Variants in TAFA4 observed in about 807,000 individuals in gnomAD.
TAFA4 encodes the protein chemokine-like protein TAFA-4.
Under a neutral mutation model 21.1 loss-of-function variants are expected in TAFA4, and 20 were observed. The ratio of observed to expected loss-of-function variants is 0.95; its 90% CI spans 0.67 to 1.38. The LOEUF (loss-of-function observed/expected upper bound fraction) is 1.38. TAFA4 is among the 40% of genes most tolerant of loss of function. The pLI is 0.00. For synonymous variants in TAFA4, 71 were observed against 67.4 expected, an observed-to-expected ratio of 1.05 and a Z score of -0.26; for missense variants, 211 against 180.9, an observed-to-expected ratio of 1.17 and a Z score of -0.95.
At chr3:68,765,293 T>C (rs1702830012) in intron 3 of TAFA4, among the ~76,000 whole-genome samples, 1 of 152,190 alleles carries the variant, frequency 6.6e-6, no homozygotes, top group African/African-American at 2.4e-5. Context: ...AATGTAGAAA[T>C]TGGTGATAAG....
chr3:68,909,657 C>G (rs2089938504), intron 1 of TAFA4, among the ~76,000 whole-genome samples: 1 of 152,214 alleles, frequency 6.6e-6, no homozygotes, highest in Non-Finnish European at 1.5e-5. Flanking sequence ...TAAGTGCTTT[C>G]CAGATCTGCT....
At chr3:68,837,489 T>C (rs966343425) in intron 3 of TAFA4, among the ~76,000 whole-genome samples, 4 of 152,198 alleles carry the variant, frequency 2.6e-5, no homozygotes, top group African/African-American at 4.8e-5. Context: ...AGAATAATGA[T>C]TGTTTTCCAA....
At chr3:68,737,637 A>T (rs1416446310) in intron 5 of TAFA4, among the ~76,000 whole-genome samples, 1 of 152,182 alleles carries the variant, frequency 6.6e-6, no homozygotes, top group Admixed American at 6.5e-5. Flanking sequence ...ATTTTGTTTT[A>T]GACTTAATAT....
At chr3:68,803,201 T>G (rs1481420275) in intron 3 of TAFA4, among the ~76,000 whole-genome samples, 1 of 152,206 alleles carries the variant, frequency 6.6e-6, no homozygotes, top group Non-Finnish European at 1.5e-5. Context: ...ATCTATCTAT[T>G]TGTTAATGCT....
At chr3:68,746,763 A>C (rs1702466177) in intron 4 of TAFA4, among the ~76,000 whole-genome samples, 1 of 152,226 alleles carries the variant, frequency 6.6e-6, no homozygotes, top group Non-Finnish European at 1.5e-5. Context: ...ATGAGTACAC[A>C]TACACTGATC....
intron 3 of TAFA4, among the ~76,000 whole-genome samples, chr3:68,812,364 A>G (rs1335957477): frequency 6.6e-6 from 1 of 152,230 alleles, no homozygotes; most frequent in Non-Finnish European, 1.5e-5. Context: ...GCTCCAATTA[A>G]AAGACACAGA....
chr3:68,746,726 A>C (rs963710950), intron 4 of TAFA4, among the ~76,000 whole-genome samples: 2 of 152,194 alleles, frequency 1.3e-5, no homozygotes, highest in African/African-American at 4.8e-5. Context: ...TTAGTTCCAC[A>C]AAGTACACAG....
chr3:68,795,980 T>C (rs1269931084), intron 3 of TAFA4, among the ~76,000 whole-genome samples: 1 of 152,118 alleles, frequency 6.6e-6, no homozygotes, highest in Non-Finnish European at 1.5e-5. Flanking sequence ...GTTGGTGGTC[T>C]TGGAGAAGAG....
intron 3 of TAFA4, among the ~76,000 whole-genome samples, chr3:68,876,723 T>C (rs1054997025): frequency 1.3e-5 from 2 of 149,536 alleles, no homozygotes; most frequent in Non-Finnish European, 2.9e-5. Context: ...ATATTTTGCA[T>C]AATCATTTAT....
chr3:68,823,795 T>C (rs1575625825), intron 3 of TAFA4, among the ~76,000 whole-genome samples: 1 of 152,254 alleles, frequency 6.6e-6, no homozygotes. Context: ...TTCCTTTTTA[T>C]GGCTGCATAG....
chr3:68,876,511 A>C (rs1272885603), intron 3 of TAFA4, among the ~76,000 whole-genome samples: 1 of 152,170 alleles, frequency 6.6e-6, no homozygotes, highest in Non-Finnish European at 1.5e-5. Flanking sequence ...GTATTTTTGA[A>C]ATTACCAGGT....
chr3:68,770,727 A>T (rs1213779200), intron 3 of TAFA4, among the ~76,000 whole-genome samples: 1 of 152,024 alleles, frequency 6.6e-6, no homozygotes. Context: ...TAAAGAAAAT[A>T]TTTTTTTGTG....
intron 3 of TAFA4, among the ~76,000 whole-genome samples, chr3:68,857,493 A>G (rs1408832397): frequency 1.3e-5 from 2 of 152,178 alleles, no homozygotes; most frequent in Non-Finnish European, 2.9e-5. Flanking sequence ...AATGCTCTCA[A>G]TTGCCATCAA....
At chr3:68,746,165 C>T (rs1222431139) in intron 4 of TAFA4, among the ~76,000 whole-genome samples, 2 of 152,110 alleles carry the variant, frequency 1.3e-5, no homozygotes, top group Non-Finnish European at 2.9e-5. Flanking sequence ...GGCTCTCAGG[C>T]CTTCAGCCAT....
At chr3:68,812,863 A>G (rs991971034) in intron 3 of TAFA4, among the ~76,000 whole-genome samples, 3 of 151,648 alleles carry the variant, frequency 2.0e-5, no homozygotes, top group Admixed American at 6.6e-5. Flanking sequence ...CCAAATCAAC[A>G]GAATATACAT....
rs3048125 is a variant in TAFA4, at chr3:68,795,001, TACACACACACACACACACACAC to T, written c.131-42005_131-41984del. ...TTTTTGAATCAGATTTGTGTCTCAA[TACACACACACACACACACACAC>T]ACACACACACACAGACACACAGTCT... On this transcript the variant is annotated intron_variant, in intron 3 of 5. Transcript: ENST00000295569. Among the ~76,000 whole-genome samples the T allele has an allele frequency of 8.7e-3, 1,260 of 144,066 alleles. 22 individuals are homozygous for T. The highest frequency in any genetic ancestry group is 0.03 in the African/African-American group (1,177 of 38,652). 94.5% of individuals were successfully genotyped at this position (144,066 alleles called of 152,430 possible).
At chr3:68,850,384 G>A (rs1430936875) in intron 3 of TAFA4, among the ~76,000 whole-genome samples, 1 of 152,114 alleles carries the variant, frequency 6.6e-6, no homozygotes, top group Non-Finnish European at 1.5e-5. Flanking sequence ...GTCTTAGTGA[G>A]GGACAAAACA....
chr3:68,795,148 T>G (rs1703431935), intron 3 of TAFA4, among the ~76,000 whole-genome samples: 1 of 151,624 alleles, frequency 6.6e-6, no homozygotes, highest in African/African-American at 2.4e-5. Context: ...TTAGAGATTA[T>G]TTTGTGCTGG....
chr3:68,734,425 G>A (rs764421898), intron 5 of TAFA4, among the ~76,000 whole-genome samples: 2 of 151,784 alleles, frequency 1.3e-5, no homozygotes, highest in Non-Finnish European at 1.5e-5. Flanking sequence ...GAGGCAGGGA[G>A]GGTAGAGGGC....
Sources: allele counts gnomAD v4.1 joint callset (sites outside exome capture counted in the v4.1 genomes callset), GRCh38; gene constraint gnomAD v4.1.1; transcripts MANE v1.5; gene names NCBI Gene and HGNC (gene_info 2026-07-23, HGNC 2026-07-21).